TASP1: variants seen among roughly 807,000 people sequenced by gnomAD.
TASP1 encodes taspase 1.
In TASP1, 16 loss-of-function variants were observed where a neutral mutation model predicts 56.6. That is an observed-to-expected ratio of 0.28 (90% confidence interval 0.19 to 0.43). The LOEUF (loss-of-function observed/expected upper bound fraction) is 0.43. TASP1 is among the 20% of genes least tolerant of loss of function. The pLI, the probability that TASP1 is intolerant of heterozygous loss-of-function variation, is 1.00. For missense variants in TASP1, 393 were observed against 511.6 expected (o/e 0.77, Z 2.24); for synonymous variants, 179 against 184.2 (o/e 0.97, Z 0.23).
At chr20:13,608,147 C>CT (rs2048225813) in intron 4 of TASP1, among the ~76,000 whole-genome samples, 1 of 152,174 alleles carries the variant, frequency 6.6e-6, no homozygotes, top group Non-Finnish European at 1.5e-5. Flanking sequence ...CTTTTTCAAA[C>CT]TAACACTAGT....
chr20:13,356,625 C>T, the TASP1 span, among the ~76,000 whole-genome samples: 1 of 152,170 alleles, frequency 6.6e-6, no homozygotes, highest in African/African-American at 2.4e-5. Context: ...GACCTTCTTG[C>T]TTATCAAAGC....
At chr20:13,442,605 G>C (rs1306908036) in intron 11 of TASP1, among the ~76,000 whole-genome samples, 1 of 151,076 alleles carries the variant, frequency 6.6e-6, no homozygotes, top group Non-Finnish European at 1.5e-5. Flanking sequence ...TCGTGCCCCC[G>C]CCCTCCAGCC....
the TASP1 span, among the ~76,000 whole-genome samples, chr20:13,188,399 A>C: frequency 1.3e-5 from 2 of 152,198 alleles, no homozygotes; most frequent in African/African-American, 4.8e-5. Flanking sequence ...TCCCAATAGC[A>C]AACAATCTGA....
the TASP1 span, among the ~76,000 whole-genome samples, chr20:13,170,021 T>G: frequency 6.6e-6 from 1 of 152,232 alleles, no homozygotes; most frequent in Admixed American, 6.5e-5. Flanking sequence ...ATAGCCTGCA[T>G]GTAAATTCCC....
At position 13,527,114 on chromosome 20, in the gene TASP1, G is replaced by A. The variant is rs544362049; in HGVS notation, c.874+1319C>T. ...TCACCAAAGGCTCAACCCTGGGGCT[G>A]TGGGCAATGGGAGGACAGAGGAGTA... On this transcript the variant is annotated intron_variant, in intron 10 of 13. Transcript: ENST00000337743. Among the ~76,000 whole-genome samples, 7 of 152,292 alleles carry A rather than the reference G, an allele frequency of 4.6e-5. No homozygotes were observed. The East Asian group carries it at 1.2e-3, about 25-fold the overall frequency.
intron 12 of TASP1, among the ~76,000 whole-genome samples, chr20:13,422,214 A>G (rs1176580316): frequency 6.6e-6 from 1 of 151,958 alleles, no homozygotes; most frequent in Non-Finnish European, 1.5e-5. Context: ...CGGCCTCCCA[A>G]TGTTTAATCT....
chr20:13,508,919 A>T (rs890012735), intron 10 of TASP1, among the ~76,000 whole-genome samples: 1 of 152,188 alleles, frequency 6.6e-6, no homozygotes, highest in South Asian at 2.1e-4. Flanking sequence ...CATTCTGGAA[A>T]ACAACATGGA....
chr20:13,186,613 G>A, the TASP1 span, among the ~76,000 whole-genome samples: 1 of 152,124 alleles, frequency 6.6e-6, no homozygotes, highest in Admixed American at 6.5e-5. Context: ...CTTATACCAA[G>A]AGAGCTCCAT....
At chr20:13,462,434 T>C (rs2044088343) in intron 11 of TASP1, among the ~76,000 whole-genome samples, 4 of 152,176 alleles carry the variant, frequency 2.6e-5, no homozygotes, top group South Asian at 2.1e-4. Flanking sequence ...CGAAGTATAA[T>C]AAGGCATGCA....
the TASP1 span, among the ~76,000 whole-genome samples, chr20:13,325,360 C>T: frequency 6.6e-6 from 1 of 152,182 alleles, no homozygotes; most frequent in Non-Finnish European, 1.5e-5. Flanking sequence ...GTATTTGTTT[C>T]GAACTCCTGC....
At chr20:13,590,895 T>G (rs763344623) in intron 4 of TASP1, among the ~76,000 whole-genome samples, 1 of 151,564 alleles carries the variant, frequency 6.6e-6, no homozygotes. Flanking sequence ...AAAATAAAAA[T>G]TTTTAGAGAT....
At chr20:13,305,411 T>C in the TASP1 span, among the ~76,000 whole-genome samples, 1 of 152,050 alleles carries the variant, frequency 6.6e-6, no homozygotes, top group Non-Finnish European at 1.5e-5. Flanking sequence ...CCCCTGTGAG[T>C]GTCAATTCCA....
intron 8 of TASP1, among the ~76,000 whole-genome samples, chr20:13,537,991 C>CGT (rs2146924607): frequency 6.6e-6 from 1 of 151,514 alleles, no homozygotes; most frequent in South Asian, 2.1e-4. Flanking sequence ...CAAGAGACAC[C>CGT]ATCTATCAGT....
chr20:13,525,322 G>C (rs2044931987), intron 10 of TASP1, among the ~76,000 whole-genome samples: 1 of 152,146 alleles, frequency 6.6e-6, no homozygotes, highest in African/African-American at 2.4e-5. Context: ...GTCTGGAAGA[G>C]TCTGGACAGG....
At chr20:13,524,294 C>T (rs184371349) in intron 10 of TASP1, among the ~76,000 whole-genome samples, 1 of 152,228 alleles carries the variant, frequency 6.6e-6, no homozygotes, top group Non-Finnish European at 1.5e-5. Context: ...TCGTCCTTTC[C>T]ATAGCCAGAG....
chr20:13,221,748 C>T, the TASP1 span: 1 of 1,373,074 alleles, frequency 7.3e-7, no homozygotes, highest in African/African-American at 1.5e-5. Flanking sequence ...GCCGCCGCGC[C>T]GGGTCCTAAA....
At chr20:13,308,802 G>A in the TASP1 span, among the ~76,000 whole-genome samples, 1 of 152,144 alleles carries the variant, frequency 6.6e-6, no homozygotes, top group Non-Finnish European at 1.5e-5. Context: ...TGCAGCTTAT[G>A]GGAGGTTATT....
chr20:13,495,511 G>A (rs1305060562), intron 10 of TASP1, among the ~76,000 whole-genome samples: 1 of 152,066 alleles, frequency 6.6e-6, no homozygotes. Context: ...TCTACATCTG[G>A]GTAGAATTTA....
At chr20:13,518,280 G>C (rs2044610141) in intron 10 of TASP1, among the ~76,000 whole-genome samples, 1 of 152,088 alleles carries the variant, frequency 6.6e-6, no homozygotes, top group Admixed American at 6.6e-5. Context: ...GGACTAAAGA[G>C]TCTGGATGTC....
Sources: allele counts gnomAD v4.1 joint callset (sites outside exome capture counted in the v4.1 genomes callset), GRCh38; gene constraint gnomAD v4.1.1; transcripts MANE v1.5; gene names NCBI Gene and HGNC (gene_info 2026-07-23, HGNC 2026-07-21).